The following KCND3 variants were observed in gnomAD, a reference collection of about 807,000 sequenced individuals.
KCND3 encodes A-type voltage-gated potassium channel KCND3.
A neutral mutation model predicts 51.1 loss-of-function variants in KCND3; 9 were observed. The observed-to-expected ratio is 0.18, with a 90% CI of 0.11 to 0.31. The LOEUF (loss-of-function observed/expected upper bound fraction) is 0.31, where lower values mean the gene tolerates loss of function less well. KCND3 is among the 10% of genes least tolerant of loss of function. The probability of loss-of-function intolerance (pLI) is 1.00; values close to 1 mark genes in which losing one functional copy is unlikely to be tolerated. For missense variants in KCND3, 526 were observed against 903.8 expected (o/e 0.58, Z 5.36); for synonymous variants, 349 against 368.0 (o/e 0.95, Z 0.59).
At chr1:111,798,542 C>G (rs182006141) in intron 2 of KCND3, among the ~76,000 whole-genome samples, 2 of 151,856 alleles carry the variant, frequency 1.3e-5, no homozygotes, top group African/African-American at 4.8e-5. Context: ...ACATGCTGCA[C>G]GATGCCAAGT....
chr1:111,963,563 G>A (rs1342021283), intron 2 of KCND3, among the ~76,000 whole-genome samples: 1 of 152,256 alleles, frequency 6.6e-6, no homozygotes, highest in African/African-American at 2.4e-5. Context: ...TCCACCGTAT[G>A]AGGATTTTCC....
intron 2 of KCND3, among the ~76,000 whole-genome samples, chr1:111,793,383 TAGTC>T: frequency 6.6e-6 from 1 of 151,686 alleles, no homozygotes; most frequent in African/African-American, 2.4e-5. Flanking sequence ...TTCACTGTGT[TAGTC>T]AGGATGGTCT....
intron 2 of KCND3, among the ~76,000 whole-genome samples, chr1:111,946,055 C>T (rs1822567): frequency 0.23 from 34,433 of 152,144 alleles, 4,173 homozygotes; most frequent in East Asian, 0.41. Flanking sequence ...TAATGATGTA[C>T]AGCACTCGAC....
At chr1:111,912,363 T>C (rs1001281070) in intron 2 of KCND3, among the ~76,000 whole-genome samples, 3 of 152,374 alleles carry the variant, frequency 2.0e-5, no homozygotes, top group South Asian at 2.1e-4. Flanking sequence ...GTGATGCTGG[T>C]ATAAACAAAC....
chr1:111,823,857 C>G (rs1043657592), intron 2 of KCND3, among the ~76,000 whole-genome samples: 5 of 152,116 alleles, frequency 3.3e-5, no homozygotes, highest in Admixed American at 1.3e-4. Flanking sequence ...GCACAAATAA[C>G]TATAATCAGG....
At chr1:111,895,935 G>A (rs980468708) in intron 2 of KCND3, among the ~76,000 whole-genome samples, 1 of 152,246 alleles carries the variant, frequency 6.6e-6, no homozygotes, top group Non-Finnish European at 1.5e-5. Flanking sequence ...TCACTGCCAG[G>A]AGGAAGAAGT....
At chr1:111,961,912 A>C (rs1392513247) in intron 2 of KCND3, among the ~76,000 whole-genome samples, 1 of 152,178 alleles carries the variant, frequency 6.6e-6, no homozygotes, top group Non-Finnish European at 1.5e-5. Flanking sequence ...AGGCGGCTAC[A>C]GTCCCACTTC....
intron 2 of KCND3, among the ~76,000 whole-genome samples, chr1:111,935,138 T>A (rs1470473452): frequency 6.6e-6 from 1 of 152,228 alleles, no homozygotes; most frequent in Non-Finnish European, 1.5e-5. Context: ...TTCATTAGAT[T>A]CTCAAATTCC....
At chr1:111,788,224 C>G (rs146721752) in intron 2 of KCND3, among the ~76,000 whole-genome samples, 1 of 152,218 alleles carries the variant, frequency 6.6e-6, no homozygotes, top group Non-Finnish European at 1.5e-5. Flanking sequence ...AATTGAAAGG[C>G]CTTATTAAGC....
intron 2 of KCND3, among the ~76,000 whole-genome samples, chr1:111,793,457 G>A (rs890269968): frequency 4.7e-5 from 7 of 149,314 alleles, no homozygotes; most frequent in Admixed American, 2.6e-4. Context: ...GATTACAGGC[G>A]TGAGCCACCG....
At chr1:111,893,181 C>T (rs1485997325) in intron 2 of KCND3, among the ~76,000 whole-genome samples, 1 of 152,154 alleles carries the variant, frequency 6.6e-6, no homozygotes, top group African/African-American at 2.4e-5. Context: ...TTACAATAAA[C>T]AGTGATGTAG....
intron 2 of KCND3, among the ~76,000 whole-genome samples, chr1:111,947,047 G>A (rs1409394894): frequency 1.3e-5 from 2 of 151,852 alleles, no homozygotes; most frequent in Non-Finnish European, 2.9e-5. Context: ...ATAGAGGTGG[G>A]TCTTGTTTTT....
At chr1:111,788,894 A>G (rs1002866405) in intron 2 of KCND3, among the ~76,000 whole-genome samples, 2 of 152,250 alleles carry the variant, frequency 1.3e-5, no homozygotes, top group Non-Finnish European at 1.5e-5. Context: ...ATACAGCTCC[A>G]CAAACAATAG....
intron 2 of KCND3, among the ~76,000 whole-genome samples, chr1:111,841,716 G>A (rs1465263782): frequency 6.6e-6 from 1 of 152,240 alleles, no homozygotes; most frequent in Non-Finnish European, 1.5e-5. Context: ...TAAGGGCACA[G>A]GCCATATCAG....
intron 2 of KCND3, among the ~76,000 whole-genome samples, chr1:111,867,592 A>G (rs2101706164): frequency 6.6e-6 from 1 of 152,234 alleles, no homozygotes; most frequent in Admixed American, 6.5e-5. Context: ...CTGTGCTCTC[A>G]ACAGGAGCTC....
At chr1:111,892,829 A>G (rs1669893200) in intron 2 of KCND3, among the ~76,000 whole-genome samples, 1 of 152,262 alleles carries the variant, frequency 6.6e-6, no homozygotes, top group Admixed American at 6.5e-5. Context: ...TGAACAAAAG[A>G]GAAGTAGGAA....
intron 2 of KCND3, among the ~76,000 whole-genome samples, chr1:111,883,521 A>AT (rs1669433750): frequency 6.6e-6 from 1 of 152,230 alleles, no homozygotes. Flanking sequence ...CTCGATAAGC[A>AT]TTTAATATTC....
At chr1:111,972,168 C>CTTT (rs56102317) in intron 2 of KCND3, among the ~76,000 whole-genome samples, 1 of 80,200 alleles carries the variant, frequency 1.2e-5, no homozygotes, top group Non-Finnish European at 2.3e-5. Flanking sequence ...ATTTGTATAT[C>CTTT]TTTTTTTTTT....
chr1:111,969,593 A>AAT (rs1674210884), intron 2 of KCND3, among the ~76,000 whole-genome samples: 1 of 152,240 alleles, frequency 6.6e-6, no homozygotes, highest in African/African-American at 2.4e-5. Flanking sequence ...TTGGGAGAGC[A>AAT]AAATACGTAA....
Sources: allele counts gnomAD v4.1 joint callset (sites outside exome capture counted in the v4.1 genomes callset), GRCh38; gene constraint gnomAD v4.1.1; transcripts MANE v1.5; gene names NCBI Gene and HGNC (gene_info 2026-07-23, HGNC 2026-07-21).